PAK4: variants seen among roughly 807,000 people sequenced by gnomAD.
The protein encoded by PAK4 is p21 (RAC1) activated kinase 4.
Under a neutral mutation model 53.5 loss-of-function variants are expected in PAK4, and 49 were observed. That is an observed-to-expected ratio of 0.92 (90% CI 0.73 to 1.16). The LOEUF (loss-of-function observed/expected upper bound fraction) is 1.16, where lower values mean the gene tolerates loss of function less well. PAK4 is among the 50% of genes most tolerant of loss of function. PAK4 has a pLI of 0.00. For synonymous variants in PAK4, 376 were observed against 375.6 expected (o/e 1.00, Z -0.01); for missense variants, 824 against 850.7 (o/e 0.97, Z 0.39).
At chr19:39,128,174 T>C (rs1291588824) in intron 1 of PAK4, among the ~76,000 whole-genome samples, 1 of 152,186 alleles carries the variant, frequency 6.6e-6, no homozygotes. Flanking sequence ...GGGCATAGTG[T>C]TAGCGCTGCC....
chr19:39,140,128 T>A (rs775193299), intron 1 of PAK4, among the ~76,000 whole-genome samples: 1 of 152,150 alleles, frequency 6.6e-6, no homozygotes, highest in Non-Finnish European at 1.5e-5. Context: ...CTGTTTCACC[T>A]CTGTCTCTCT....
In PAK4 at chr19:39,175,832, C is replaced by T. The variant is rs902448047; in HGVS notation, c.1359+394C>T. Among the ~76,000 whole-genome samples the T allele has an allele frequency of 6.6e-6, 1 of 152,220 alleles. No homozygotes were observed. The highest frequency in any genetic ancestry group is 1.5e-5 in the Non-Finnish European group (1 of 68,042). ...TGAGGTTCCAAATCTGAGGCTGTGA[C>T]AATTATAACGTCGGGTGGACATGAT... On this transcript the variant is annotated intron_variant, in intron 6 of 8. Coordinates refer to ENST00000358301, the Ensembl canonical transcript of PAK4. This position sits in a 1 kb window ranked among gnomAD's most constrained non-coding sequence, Gnocchi z 4.7.
chr19:39,139,220 T>C (rs1004559586), intron 1 of PAK4, among the ~76,000 whole-genome samples: 2 of 152,194 alleles, frequency 1.3e-5, no homozygotes, highest in African/African-American at 4.8e-5. Flanking sequence ...CTGGGAAGCC[T>C]CCTCGGGCCT....
Position 39,178,413 on chromosome 19 carries a change from C to T in PAK4, c.1621-11C>T. ...AGCCTCGCCCCCTGACCCTCCCCTC[C>T]TTCTCGACAGGTGTCGCCATCCCTG... On this transcript the variant is annotated splice_polypyrimidine_tract_variant and intron_variant, in intron 8 of 8. Transcript: ENST00000358301. The surrounding 1 kb of genome is among the most constrained non-coding windows in gnomAD (Gnocchi z 4.4). 6.3e-7 allele frequency: 1 copy of T among 1,575,540 alleles called. No individual in the cohort carries two copies. The highest frequency in any genetic ancestry group is 1.2e-5 in the South Asian group (1 of 85,884).
intron 1 of PAK4, among the ~76,000 whole-genome samples, chr19:39,154,681 T>C (rs963765723): frequency 7.2e-5 from 11 of 152,198 alleles, no homozygotes; most frequent in Admixed American, 5.9e-4. Context: ...CCTCGTTTCC[T>C]GTGGCTGTCC....
At position 39,177,725 on chromosome 19, in the gene PAK4, GC is replaced by G. The variant is rs769136911; in HGVS notation, c.1542del (p.Tyr515ThrfsTer10). On this transcript the variant is annotated frameshift_variant, in exon 8 of 9. Coordinates refer to ENST00000358301, the Ensembl canonical transcript of PAK4. LOFTEE classifies it high-confidence loss of function. ...TGGTGATTGAGATGGTGGACGGAGA[GC>G]CCCCCTACTTCAACGAGCCACCCCT... 6.2e-7 allele frequency: 1 copy of G among 1,613,586 alleles called. No homozygotes were observed.
At chr19:39,159,968 C>A (rs2074257586) in intron 1 of PAK4, among the ~76,000 whole-genome samples, 2 of 152,342 alleles carry the variant, frequency 1.3e-5, no homozygotes, top group East Asian at 3.9e-4. Flanking sequence ...GAGGCACCCC[C>A]CATGTGATTT....
chr19:39,152,711 G>A (rs1234711234), intron 1 of PAK4, among the ~76,000 whole-genome samples: 1 of 152,140 alleles, frequency 6.6e-6, no homozygotes, highest in Non-Finnish European at 1.5e-5. Context: ...TTGGGGGGGT[G>A]GAAGACAGGA....
At chr19:39,172,516 G>A (rs1391954306) in intron 2 of PAK4, among the ~76,000 whole-genome samples, 2 of 152,142 alleles carry the variant, frequency 1.3e-5, no homozygotes, top group East Asian at 3.9e-4. Context: ...ATGGGAGGAA[G>A]TGCCAGGCCA....
chr19:39,133,785 C>G (rs139864774), intron 1 of PAK4, among the ~76,000 whole-genome samples: 1 of 152,336 alleles, frequency 6.6e-6, no homozygotes, highest in Admixed American at 6.5e-5. Context: ...CATTGTGCAG[C>G]GGTTTTGAGT....
At chr19:39,139,396 G>A (rs548901498) in intron 1 of PAK4, among the ~76,000 whole-genome samples, 1 of 152,264 alleles carries the variant, frequency 6.6e-6, no homozygotes, top group Admixed American at 6.5e-5. Context: ...TCGGGACCTG[G>A]GCTCCAAGGA....
At chr19:39,154,996 C>G (rs962934038) in intron 1 of PAK4, among the ~76,000 whole-genome samples, 2 of 152,228 alleles carry the variant, frequency 1.3e-5, no homozygotes, top group African/African-American at 2.4e-5. Context: ...AGCCCACGTT[C>G]TGTGTGTGGA....
intron 1 of PAK4, among the ~76,000 whole-genome samples, chr19:39,152,955 GCTGA>G (rs2074117225): frequency 6.6e-6 from 1 of 152,132 alleles, no homozygotes; most frequent in Non-Finnish European, 1.5e-5. Context: ...GTTATGGAGG[GCTGA>G]CTGAGGGACG....
At chr19:39,144,113 TAGATAGACAGAC>T (rs1568503538) in intron 1 of PAK4, among the ~76,000 whole-genome samples, 32 of 102,528 alleles carry the variant, frequency 3.1e-4, no homozygotes, top group African/African-American at 9.5e-4. Context: ...GATAGATAGA[TAGATAGACAGAC>T]AGACAGACAG....
chr19:39,134,074 A>G (rs1354797890), intron 1 of PAK4, among the ~76,000 whole-genome samples: 1 of 152,124 alleles, frequency 6.6e-6, no homozygotes, highest in Non-Finnish European at 1.5e-5. Context: ...CCTGCCGCCC[A>G]CAGGGGCCTC....
Position 39,175,343 on chromosome 19 carries a change from C to G in PAK4, c.1264C>G (p.Leu422Val). ...CGAGGAGCAGATCGCGGCCGTGTGCCTTGCAGTGCTGCAGGCCCTGTCGGT... is the reference window on the plus strand; with the variant it reads ...CGAGGAGCAGATCGCGGCCGTGTGCGTTGCAGTGCTGCAGGCCCTGTCGGT... The change falls in exon 6 of 9, where the codon CTT becomes GTT. Residue 422 changes from leucine to valine, a missense_variant. Transcript: ENST00000358301. This position sits in a 1 kb window ranked among gnomAD's most constrained non-coding sequence, Gnocchi z 4.7. 6.3e-7 allele frequency: 1 copy of G among 1,599,336 alleles called. No individual in the cohort carries two copies. The highest frequency in any genetic ancestry group is 8.5e-7 in the Non-Finnish European group (1 of 1,173,892).
Position 39,178,678 on chromosome 19 carries a change from A to C in PAK4, c.*99A>C. The C allele has an allele frequency of 8.8e-7, 1 of 1,132,682 alleles. No individual in the cohort carries two copies. Among genetic ancestry groups the C allele is most frequent in the African/African-American group, 1.6e-5 (1 of 62,922 alleles). The allele number at this position is 1,132,682 out of a possible 1,614,324, so 70.2% of individuals were successfully genotyped here. On this transcript the variant is annotated 3_prime_UTR_variant, in exon 9 of 9. Transcript: ENST00000358301. This position sits in a 1 kb window ranked among gnomAD's most constrained non-coding sequence, Gnocchi z 4.4. The stretch of plus-strand genomic sequence containing the variant: ...GGCCTCCCACTCCTCCCAGCCCGGG[A>C]GATGCTCCGCGTGGCACCACCCTCC...
chr19:39,169,979 C>G (rs1046457268), intron 2 of PAK4, among the ~76,000 whole-genome samples: 2 of 152,332 alleles, frequency 1.3e-5, no homozygotes, highest in East Asian at 3.9e-4. Flanking sequence ...CTGAGCCTCC[C>G]CCACGGCCCA....
At chr19:39,144,263 C>T (rs1056440533) in intron 1 of PAK4, among the ~76,000 whole-genome samples, 5 of 152,146 alleles carry the variant, frequency 3.3e-5, no homozygotes, top group African/African-American at 7.2e-5. Context: ...ATACACTCGC[C>T]GTGTGACTGA....
Sources: allele counts gnomAD v4.1 joint callset (sites outside exome capture counted in the v4.1 genomes callset), GRCh38; gene constraint gnomAD v4.1.1; non-coding constraint Gnocchi (gnomAD v3.1); transcripts MANE v1.5; gene names NCBI Gene and HGNC (gene_info 2026-07-23, HGNC 2026-07-21).